The following BTBD9 variants were observed in gnomAD, a reference collection of about 807,000 sequenced individuals.
The protein encoded by BTBD9 is BTB/POZ domain-containing protein 9.
BTBD9 carries 49 observed loss-of-function variants against 64.3 expected under a neutral mutation model. The ratio of observed to expected loss-of-function variants is 0.76; its 90% confidence interval spans 0.61 to 0.97. The LOEUF is 0.97. Ranked by LOEUF, BTBD9 falls within the 50% of genes least tolerant of loss-of-function variation. The probability of loss-of-function intolerance (pLI) is 0.00; values close to 1 mark genes in which losing one functional copy is unlikely to be tolerated. For missense variants in BTBD9, 598 were observed against 762.1 expected, an observed-to-expected ratio of 0.78 and a Z score of 2.53; for synonymous variants, 260 against 274.7, an observed-to-expected ratio of 0.95 and a Z score of 0.53.
chr6:38,605,157 C>A (rs1409753780), intron 1 of BTBD9, among the ~76,000 whole-genome samples: 3 of 151,920 alleles, frequency 2.0e-5, no homozygotes, highest in African/African-American at 7.3e-5. Flanking sequence ...AGTGATTCTC[C>A]TGCCTCAGCC....
chr6:38,613,593 G>A (rs1777690108), intron 1 of BTBD9, among the ~76,000 whole-genome samples: 1 of 152,000 alleles, frequency 6.6e-6, no homozygotes, highest in Non-Finnish European at 1.5e-5. Context: ...GACAGGTTGA[G>A]TCTCTTTAAA....
At chr6:38,469,431 G>T (rs1582481103) in intron 6 of BTBD9, among the ~76,000 whole-genome samples, 1 of 149,102 alleles carries the variant, frequency 6.7e-6, no homozygotes, top group Admixed American at 6.9e-5. Flanking sequence ...CAATTCTCCT[G>T]CTTCAGCCTC....
At chr6:38,497,630 G>C (rs759803652) in intron 6 of BTBD9, among the ~76,000 whole-genome samples, 1 of 152,142 alleles carries the variant, frequency 6.6e-6, no homozygotes, top group Admixed American at 6.6e-5. Flanking sequence ...AGATGAAAGG[G>C]AGGAAAAGAA....
At chr6:38,588,306 T>A in intron 4 of BTBD9, 1 of 1,066,802 alleles carries the variant, frequency 9.4e-7, no homozygotes, top group Non-Finnish European at 1.5e-6. Flanking sequence ...CAAGCAATTA[T>A]CCTGCACAAA....
chr6:38,340,781 C>T lies in BTBD9; in HGVS notation c.1264+4203G>A, dbSNP rs117291896. The stretch of plus-strand genomic sequence containing the variant: ...AATAACCATTTGCAATCCAAAATTA[C>T]GAAATAATGAACCCAGGAAATAATC... On this transcript the variant is annotated intron_variant, in intron 7 of 10. Coordinates refer to ENST00000481247, the MANE Select transcript of BTBD9 (RefSeq NM_001099272.2). Among the ~76,000 whole-genome samples, 245 of 152,140 alleles carry T rather than the reference C, an allele frequency of 1.6e-3. 5 individuals carry two copies. Among genetic ancestry groups the T allele is most frequent in the East Asian group, 0.014 (74 of 5,184 alleles).
chr6:38,386,202 C>A lies in BTBD9; in HGVS notation c.1155-41109G>T, dbSNP rs80017837. On this transcript the variant is annotated intron_variant, in intron 6 of 10. Transcript: ENST00000481247. ...TTTTTGTTATTTCATTCCACTTAGG[C>A]TACAAGTTTCAAGAAACAATTCTGT... 3.1e-3 allele frequency among the ~76,000 whole-genome samples: 469 copies of A among 152,216 alleles called. 12 individuals are homozygous for A. The East Asian group carries it at 0.064, about 21-fold the overall frequency.
intron 1 of BTBD9, among the ~76,000 whole-genome samples, chr6:38,609,065 T>G (rs1474639319): frequency 2.0e-5 from 3 of 152,052 alleles, no homozygotes; most frequent in Non-Finnish European, 4.4e-5. Context: ...TTCTTCCAAA[T>G]CCAAATCTAC....
At chr6:38,526,044 G>A (rs1002598236) in intron 6 of BTBD9, among the ~76,000 whole-genome samples, 2 of 152,172 alleles carry the variant, frequency 1.3e-5, no homozygotes, top group African/African-American at 4.8e-5. Context: ...AAAACAATGG[G>A]GAAAATGCCT....
At chr6:38,375,765 T>C (rs1333856663) in intron 6 of BTBD9, among the ~76,000 whole-genome samples, 1 of 152,134 alleles carries the variant, frequency 6.6e-6, no homozygotes, top group African/African-American at 2.4e-5. Context: ...GCAACATTAA[T>C]TCTTTTAAAA....
At chr6:38,604,490 C>T (rs1412773134) in intron 1 of BTBD9, among the ~76,000 whole-genome samples, 1 of 152,150 alleles carries the variant, frequency 6.6e-6, no homozygotes, top group Non-Finnish European at 1.5e-5. Context: ...CTCTACAATA[C>T]AGGCTCAGTG....
Position 38,387,597 on chromosome 6 carries a change from T to C in BTBD9, c.1155-42504A>G, listed in dbSNP as rs80262748. Reference sequence around the variant, plus strand: ...ATAAATAAATAAGACCAAAGCCATATGAAGGCATCATGTATCTAATATGCA... The same window carrying C: ...ATAAATAAATAAGACCAAAGCCATACGAAGGCATCATGTATCTAATATGCA... On this transcript the variant is annotated intron_variant, in intron 6 of 10. Transcript: ENST00000481247. Among the ~76,000 whole-genome samples the C allele has an allele frequency of 3.3e-3, 500 of 152,228 alleles. 3 individuals are homozygous for C. Among genetic ancestry groups the C allele is most frequent in the African/African-American group, 0.011 (463 of 41,526 alleles).
chr6:38,192,425 C>T (rs1467359969), intron 10 of BTBD9, 94 bp downstream of exon 10: 20 of 1,144,044 alleles, frequency 1.7e-5, no homozygotes, highest in Middle Eastern at 1.9e-4. Flanking sequence ...AGGCCATTAG[C>T]AGGCAGAACA....
At chr6:38,565,849 A>T (rs761495603) in intron 6 of BTBD9, 6 of 152,220 alleles carry the variant, frequency 3.9e-5, no homozygotes, top group Non-Finnish European at 8.8e-5. Context: ...TAATTGCAAA[A>T]CTGGAAACAT....
chr6:38,483,337 A>G (rs767695899), intron 6 of BTBD9, among the ~76,000 whole-genome samples: 27 of 151,974 alleles, frequency 1.8e-4, no homozygotes, highest in Non-Finnish European at 2.8e-4. Context: ...CCTCATACCG[A>G]AAGACTGACT....
At chr6:38,509,938 A>G (rs2127409356) in intron 6 of BTBD9, among the ~76,000 whole-genome samples, 1 of 152,342 alleles carries the variant, frequency 6.6e-6, no homozygotes, top group East Asian at 1.9e-4. Context: ...GTAATGTGCT[A>G]GTACACAGCA....
intron 6 of BTBD9, among the ~76,000 whole-genome samples, chr6:38,533,397 C>T (rs1297459762): frequency 6.6e-6 from 1 of 152,054 alleles, no homozygotes; most frequent in East Asian, 1.9e-4. Flanking sequence ...AACACTGGAG[C>T]ACTCAGATAT....
rs114771408 is a variant in BTBD9 at position 38,539,871 on chromosome 6, G to A, written c.1154+37729C>T. On this transcript the variant is annotated intron_variant, in intron 6 of 10. Transcript: ENST00000481247. ...TCTATATGGAATCAGGCTCACAGAT[G>A]TGCAACTAAAGAAAAATTGTGCTCT... is the stretch of plus-strand genomic sequence containing the variant. 7.0e-3 allele frequency among the ~76,000 whole-genome samples: 1,070 copies of A among 152,260 alleles called. 8 individuals are homozygous for A. Among genetic ancestry groups the A allele is most frequent in the African/African-American group, 0.024 (1,010 of 41,554 alleles).
At chr6:38,613,413 G>C (rs1400286616) in intron 1 of BTBD9, among the ~76,000 whole-genome samples, 1 of 152,166 alleles carries the variant, frequency 6.6e-6, no homozygotes, top group Admixed American at 6.5e-5. Flanking sequence ...CCTGAGGTCA[G>C]GAATTTGAGA....
At chr6:38,435,858 G>A (rs1486913159) in intron 6 of BTBD9, among the ~76,000 whole-genome samples, 1 of 151,240 alleles carries the variant, frequency 6.6e-6, no homozygotes, top group African/African-American at 2.5e-5. Context: ...TAGTAGAGAT[G>A]GAGTTTCATC....
Sources: allele counts gnomAD v4.1 joint callset (sites outside exome capture counted in the v4.1 genomes callset), GRCh38; gene constraint gnomAD v4.1.1; transcripts MANE v1.5; gene names NCBI Gene and HGNC (gene_info 2026-07-23, HGNC 2026-07-21).